FABP12: variants seen among roughly 807,000 people sequenced by gnomAD.
The protein encoded by FABP12 is fatty acid-binding protein 12.
In FABP12, 19 loss-of-function variants were observed where a neutral mutation model predicts 13.7. That is an observed-to-expected ratio of 1.39 (90% CI 0.97 to 2.04). FABP12 has a LOEUF of 2.04. FABP12 is among the 30% of genes most tolerant of loss of function. The probability of loss-of-function intolerance (pLI) is 0.00; values close to 1 mark genes in which losing one functional copy is unlikely to be tolerated. For synonymous variants in FABP12, 61 were observed against 57.0 expected (o/e 1.07, Z -0.32); for missense variants, 182 against 164.2 (o/e 1.11, Z -0.59).
At chr8:81,571,845 A>G (rs1486986449) in intron 1 of FABP12, among the ~76,000 whole-genome samples, 1 of 152,266 alleles carries the variant, frequency 6.6e-6, no homozygotes, top group Non-Finnish European at 1.5e-5. Context: ...AATAACCCAA[A>G]TTGAAACTTG....
intron 1 of FABP12, among the ~76,000 whole-genome samples, chr8:81,578,441 T>C (rs997945005): frequency 6.6e-6 from 1 of 151,730 alleles, no homozygotes; most frequent in African/African-American, 2.4e-5. Flanking sequence ...ATACAGAATA[T>C]AAATGAGAAT....
At chr8:81,548,119 T>C (rs1216878301) in intron 1 of FABP12, among the ~76,000 whole-genome samples, 1 of 152,160 alleles carries the variant, frequency 6.6e-6, no homozygotes, top group East Asian at 1.9e-4. Flanking sequence ...GAGAATACAC[T>C]GGAATCACCT....
intron 1 of FABP12, among the ~76,000 whole-genome samples, chr8:81,567,979 C>A (rs1038391668): frequency 1.4e-4 from 21 of 151,990 alleles, no homozygotes; most frequent in Non-Finnish European, 2.5e-4. Flanking sequence ...AAAAATTAGC[C>A]GGGCGCGGTG....
intron 1 of FABP12, among the ~76,000 whole-genome samples, chr8:81,563,142 G>A (rs1809753294): frequency 7.9e-5 from 12 of 152,196 alleles, no homozygotes; most frequent in Admixed American, 7.9e-4. Flanking sequence ...TGTTAATCCA[G>A]ATAATTCTTC....
chr8:81,570,250 A>T (rs1292010291), intron 1 of FABP12, among the ~76,000 whole-genome samples: 1 of 152,216 alleles, frequency 6.6e-6, no homozygotes, highest in Non-Finnish European at 1.5e-5. Flanking sequence ...GGATCCCCAA[A>T]GGGCTACAGA....
intron 1 of FABP12, among the ~76,000 whole-genome samples, chr8:81,550,669 T>C (rs146660647): frequency 1.0e-3 from 153 of 152,268 alleles, no homozygotes; most frequent in African/African-American, 3.6e-3. Context: ...CACAAATCAA[T>C]GTAAGCTCTA....
At chr8:81,571,790 G>A (rs1164212898) in intron 1 of FABP12, among the ~76,000 whole-genome samples, 1 of 152,110 alleles carries the variant, frequency 6.6e-6, no homozygotes, top group African/African-American at 2.4e-5. Flanking sequence ...CAACCACAAG[G>A]AAACATGGTA....
chr8:81,537,132 AATT>A (rs1809241713), upstream of FABP12, among the ~76,000 whole-genome samples: 1 of 152,164 alleles, frequency 6.6e-6, no homozygotes, highest in Admixed American at 6.5e-5. Flanking sequence ...CCAACAGAAA[AATT>A]AATATAAGGA....
chr8:81,559,769 G>A (rs955462592), intron 1 of FABP12, among the ~76,000 whole-genome samples: 5 of 152,156 alleles, frequency 3.3e-5, no homozygotes, highest in African/African-American at 1.2e-4. Flanking sequence ...CCCTAGACTG[G>A]GGAGAGGTTC....
chr8:81,580,948 T>G (rs529884263), intron 1 of FABP12, among the ~76,000 whole-genome samples: 1 of 152,342 alleles, frequency 6.6e-6, no homozygotes, highest in South Asian at 2.1e-4. Flanking sequence ...TTTTCCTGCT[T>G]CTCTAACATT....
At chr8:81,586,808 A>G (rs1383661969) in intron 1 of FABP12, among the ~76,000 whole-genome samples, 1 of 152,140 alleles carries the variant, frequency 6.6e-6, no homozygotes, top group East Asian at 1.9e-4. Flanking sequence ...ATTAAGTCCC[A>G]CATCAATTTT....
chr8:81,552,153 T>C (rs541611406), intron 1 of FABP12, among the ~76,000 whole-genome samples: 12 of 152,198 alleles, frequency 7.9e-5, no homozygotes, highest in Admixed American at 1.3e-4. Context: ...AGGGCTTCCC[T>C]GAGAAAGTGA....
At chr8:81,587,715 A>G (rs116598151) in intron 1 of FABP12, among the ~76,000 whole-genome samples, 2,913 of 152,138 alleles carry the variant, frequency 0.019, 66 homozygotes, top group African/African-American at 0.056. Flanking sequence ...GAAGTTGTTT[A>G]TCAGATCTAG....
chr8:81,534,945 TAAA>T (rs147191229), upstream of FABP12, among the ~76,000 whole-genome samples: 1 of 149,602 alleles, frequency 6.7e-6, no homozygotes, highest in Non-Finnish European at 1.5e-5. Flanking sequence ...CTCAAAAAAT[TAAA>T]AAAAAAATGT....
intron 1 of FABP12, among the ~76,000 whole-genome samples, chr8:81,565,037 A>G (rs1479088443): frequency 1.3e-5 from 2 of 152,082 alleles, no homozygotes; most frequent in African/African-American, 2.4e-5. Flanking sequence ...GAAAAGCTAT[A>G]ATCATATCAG....
intron 1 of FABP12, among the ~76,000 whole-genome samples, chr8:81,532,646 C>A (rs1809103889): frequency 6.6e-6 from 1 of 152,162 alleles, no homozygotes; most frequent in South Asian, 2.1e-4. Context: ...TATGGTGAAA[C>A]CCTGTCTCTA....
At chr8:81,534,690 C>T (rs1440350159), upstream of FABP12, among the ~76,000 whole-genome samples, 1 of 152,156 alleles carries the variant, frequency 6.6e-6, no homozygotes, top group Non-Finnish European at 1.5e-5. Flanking sequence ...TGCCTGTAAT[C>T]CCAGTACTTT....
intron 1 of FABP12, among the ~76,000 whole-genome samples, chr8:81,549,855 G>A (rs1809496865): frequency 6.6e-6 from 1 of 152,182 alleles, no homozygotes; most frequent in Non-Finnish European, 1.5e-5. Context: ...TTTGTAACCT[G>A]CATTCCTAAT....
At chr8:81,574,710 C>A (rs975298487) in intron 1 of FABP12, among the ~76,000 whole-genome samples, 14 of 152,120 alleles carry the variant, frequency 9.2e-5, no homozygotes, top group African/African-American at 3.4e-4. Context: ...TTATCCATCT[C>A]TTCTAGGTTT....
Sources: allele counts gnomAD v4.1 joint callset (sites outside exome capture counted in the v4.1 genomes callset), GRCh38; gene constraint gnomAD v4.1.1; transcripts MANE v1.5; gene names NCBI Gene and HGNC (gene_info 2026-07-23, HGNC 2026-07-21).